The following PLA2R1 variants were observed in gnomAD, a reference collection of about 807,000 sequenced individuals.
The protein encoded by PLA2R1 is secretory phospholipase A2 receptor.
In PLA2R1, 158 loss-of-function variants were observed where a neutral mutation model predicts 195.9. The ratio of observed to expected loss-of-function variants is 0.81; its 90% CI spans 0.71 to 0.92. The LOEUF is 0.92. Ranked by LOEUF, PLA2R1 falls within the 40% of genes least tolerant of loss-of-function variation. The pLI is 0.00. For synonymous variants in PLA2R1, 586 were observed against 598.2 expected (o/e 0.98, Z 0.30); for missense variants, 1,626 against 1,764.6 (o/e 0.92, Z 1.41).
chr2:160,060,454 C>T (rs1695876680), intron 1 of PLA2R1, among the ~76,000 whole-genome samples: 1 of 152,218 alleles, frequency 6.6e-6, no homozygotes, highest in Non-Finnish European at 1.5e-5. Context: ...TGAAATTCTA[C>T]TCATGCAGGT....
At position 159,977,267 on chromosome 2, in the gene PLA2R1, C is replaced by G; in HGVS notation, c.2401+17G>C. On this transcript the variant is annotated intron_variant, in intron 15 of 29. Coordinates refer to ENST00000283243, the MANE Select transcript of PLA2R1 (RefSeq NM_007366.5). The stretch of plus-strand genomic sequence containing the variant: ...TAGAAATCAAACATATAGCAAAGAT[C>G]TTACTACTATTTTTACCTCTTGGGA... 2.5e-6 allele frequency: 4 copies of G among 1,591,208 alleles called. No homozygotes were observed. Among genetic ancestry groups the G allele is most frequent in the African/African-American group, 2.7e-5 (2 of 74,464 alleles).
rs540303494 is a variant in PLA2R1, at chr2:159,978,782, C to T, written c.2268+1048G>A. 5.3e-4 allele frequency among the ~76,000 whole-genome samples: 80 copies of T among 152,280 alleles called. No individual in the cohort carries two copies. The South Asian group carries it at 7.5e-3, about 14-fold the overall frequency. On this transcript the variant is annotated intron_variant, in intron 14 of 29. Coordinates refer to ENST00000283243, the MANE Select transcript of PLA2R1 (RefSeq NM_007366.5). ...GAATGACCTTTAAAATCTCTTCCTACTCTCTTCTATAAACCTCTTCCTTGA... is the reference window on the plus strand; with the variant it reads ...GAATGACCTTTAAAATCTCTTCCTATTCTCTTCTATAAACCTCTTCCTTGA...
chr2:159,988,081 T>C (rs748713854), intron 11 of PLA2R1, among the ~76,000 whole-genome samples: 34 of 152,092 alleles, frequency 2.2e-4, no homozygotes, highest in Non-Finnish European at 4.3e-4. Context: ...AGGTAAAATG[T>C]ATTTTTCCAC....
At chr2:159,967,211 G>A (rs1688847803) in intron 20 of PLA2R1, among the ~76,000 whole-genome samples, 1 of 151,848 alleles carries the variant, frequency 6.6e-6, no homozygotes, top group South Asian at 2.1e-4. Flanking sequence ...ACACACACAT[G>A]CATATGCACA....
At position 159,955,770 on chromosome 2, in the gene PLA2R1, A is replaced by G; in HGVS notation, c.3081T>C (p.Asn1027=). Residue 1027 remains asparagine (N), a synonymous_variant, in exon 22 of 30, where the codon AAT becomes AAC. Transcript: ENST00000283243. ...CATTTAGCCATGTTTCATAATCATC[A>G]TTTTGTAAACCTATCCACACACTGG... The part of the protein sequence containing the change: ...QTTSVWIGLQ[N]DDYETWLNGK... 1 of 1,595,120 alleles carries G rather than the reference A, an allele frequency of 6.3e-7. No homozygotes were observed.
chr2:160,022,854 C>A lies in PLA2R1; in HGVS notation c.1105G>T (p.Asp369Tyr), dbSNP rs1558948988. The change falls in exon 7 of 30, where the codon GAT becomes TAT. Residue 369 changes from aspartate to tyrosine, a missense_variant. Asp to Tyr is a radical substitution (Grantham distance 160). Coordinates refer to ENST00000283243, the MANE Select transcript of PLA2R1 (RefSeq NM_007366.5). The part of the protein sequence containing the change: ...NHIDHEIVEK[D>Y]AWKYYATHCE... ...TGGGTAGCATAATATTTCCACGCATCTTTTTCTTTTTAAACCAACAAAAAA... is the reference window on the plus strand; with the variant it reads ...TGGGTAGCATAATATTTCCACGCATATTTTTCTTTTTAAACCAACAAAAAA... The A allele has an allele frequency of 2.1e-5, 34 of 1,582,560 alleles. No individual in the cohort carries two copies. The highest frequency in any genetic ancestry group is 2.7e-5 in the Non-Finnish European group (32 of 1,163,856).
chr2:160,009,066 C>G (rs538786269), intron 10 of PLA2R1, among the ~76,000 whole-genome samples: 2 of 152,306 alleles, frequency 1.3e-5, no homozygotes, highest in Non-Finnish European at 2.9e-5. Flanking sequence ...TAAGCATTGG[C>G]TAGGATGTGG....
chr2:160,028,485 G>C (rs1693659798), intron 5 of PLA2R1, 124 bp from the exon 6 acceptor site: 1 of 711,326 alleles, frequency 1.4e-6, no homozygotes, highest in Admixed American at 3.0e-5. Flanking sequence ...AATCCTATAA[G>C]ATGTTATCTA....
chr2:159,948,711 C>T (rs774189656), intron 25 of PLA2R1, among the ~76,000 whole-genome samples: 254 of 149,766 alleles, frequency 1.7e-3, no homozygotes, highest in Non-Finnish European at 2.7e-3. Flanking sequence ...GTAGAATTAG[C>T]TTTTCCAAGA....
intron 3 of PLA2R1, among the ~76,000 whole-genome samples, chr2:160,038,786 G>A (rs74392577): frequency 0.077 from 11,739 of 152,106 alleles, 1,118 homozygotes; most frequent in East Asian, 0.27. Context: ...TAGCATTGCT[G>A]AGCCATGTTG....
chr2:159,967,562 C>T lies in PLA2R1; in HGVS notation c.2881G>A (p.Gly961Arg). The T allele has an allele frequency of 6.2e-7, 1 of 1,613,622 alleles. No individual in the cohort carries two copies. The highest frequency in any genetic ancestry group is 8.5e-7 in the Non-Finnish European group (1 of 1,179,720). Residue 961 changes from glycine (G) to arginine (R), a missense_variant, in exon 20 of 30, where the codon GGA becomes AGA. Physicochemically the swap from Gly to Arg is moderately radical, Grantham distance 125. Coordinates refer to ENST00000283243, the MANE Select transcript of PLA2R1 (RefSeq NM_007366.5). ...TPKQHGTCPK[G>R]WLYFNYKCLL... ...ACCTTATAGTTAAAATATAGCCATCCTTTGGGACACGTTCCATGTTGTTTT... is the reference window on the plus strand; with the variant it reads ...ACCTTATAGTTAAAATATAGCCATCTTTTGGGACACGTTCCATGTTGTTTT...
rs200573359 is a variant in PLA2R1, at chr2:160,005,722, T to C, written c.1764A>G (p.Glu588=). The C allele has an allele frequency of 3.7e-5, 59 of 1,613,856 alleles. No homozygotes were observed. In the African/African-American group the frequency reaches 6.7e-4, roughly 18 times the overall value. ...IALQDQNDTG[E]YTWKPVGQKP... The stretch of plus-strand genomic sequence containing the variant: ...TCTGCCCTACTGGCTTCCAAGTGTA[T>C]TCTCCCGTATCATTTTGGTCCTGAA... Residue 588 remains glutamate (E), a synonymous_variant, in exon 11 of 30, where the codon GAA becomes GAG. Coordinates refer to ENST00000283243, the MANE Select transcript of PLA2R1 (RefSeq NM_007366.5).
downstream of PLA2R1, among the ~76,000 whole-genome samples, chr2:159,930,364 T>C (rs1686560259): frequency 6.7e-6 from 1 of 149,522 alleles, no homozygotes; most frequent in Non-Finnish European, 1.5e-5. Context: ...GCAGGGATTG[T>C]GCCACTACAC....
intron 4 of PLA2R1, among the ~76,000 whole-genome samples, chr2:160,030,372 C>A (rs149083774): frequency 6.6e-6 from 1 of 152,264 alleles, no homozygotes; most frequent in Admixed American, 6.5e-5. Flanking sequence ...TCGATTGAAT[C>A]GTTTAGCAGG....
At chr2:159,970,339 A>AATTAT (rs1269761112) in intron 17 of PLA2R1, 127 bp from the exon 18 acceptor site, 1 of 530,064 alleles carries the variant, frequency 1.9e-6, no homozygotes, top group Non-Finnish European at 3.3e-6. Context: ...GGAAGAATAC[A>AATTAT]CTAAGGCCTA....
chr2:159,992,962 T>G (rs1690931892), intron 11 of PLA2R1, among the ~76,000 whole-genome samples: 1 of 152,130 alleles, frequency 6.6e-6, no homozygotes, highest in African/African-American at 2.4e-5. Flanking sequence ...TATGGAGGGC[T>G]GCAAAGGAGT....
At chr2:160,008,207 G>A (rs958383523) in intron 10 of PLA2R1, among the ~76,000 whole-genome samples, 6 of 152,160 alleles carry the variant, frequency 3.9e-5, no homozygotes, top group Admixed American at 2.0e-4. Context: ...TCGGGAGGTC[G>A]AGGCGGGAGG....
In PLA2R1 at chr2:159,967,682, G is replaced by A. The variant is rs1302560241; in HGVS notation, c.2765-4C>T. 1.9e-6 allele frequency: 3 copies of A among 1,612,218 alleles called. No individual in the cohort carries two copies. The highest frequency in any genetic ancestry group is 2.5e-6 in the Non-Finnish European group (3 of 1,179,232). The stretch of plus-strand genomic sequence containing the variant: ...CACTCTTCACTACCCCAGAGTCCTG[G>A]AGGAGAAAATGGGTTAGAAATGGCT... On this transcript the variant is annotated splice_polypyrimidine_tract_variant and splice_region_variant and intron_variant, in intron 19 of 29. Transcript: ENST00000283243.
At chr2:160,052,300 G>A (rs1452703544) in intron 1 of PLA2R1, among the ~76,000 whole-genome samples, 1 of 152,194 alleles carries the variant, frequency 6.6e-6, no homozygotes, top group East Asian at 1.9e-4. Flanking sequence ...GCCAGGAGGG[G>A]TTAACCCTTT....
Sources: gnomAD v4.1 joint callset for allele counts (sites outside exome capture counted in the v4.1 genomes callset) on GRCh38, gnomAD v4.1.1 for gene constraint, MANE v1.5 for transcripts, NCBI Gene and HGNC (gene_info 2026-07-23, HGNC 2026-07-21) for gene names.